Variants in KCND3 observed in about 807,000 individuals in gnomAD.
KCND3 encodes the protein potassium voltage-gated channel subfamily D member 3, also known as A-type voltage-gated potassium channel KCND3.
KCND3 carries 9 observed loss-of-function variants against 51.1 expected under a neutral mutation model. That is an observed-to-expected ratio of 0.18 (90% CI 0.11 to 0.31). The LOEUF is 0.31. Among genes scored for constraint, KCND3 ranks in the 10% least tolerant of loss-of-function variants. The pLI, the probability that KCND3 is intolerant of heterozygous loss-of-function variation, is 1.00. For synonymous variants in KCND3, 349 were observed against 368.0 expected, an observed-to-expected ratio of 0.95 and a Z score of 0.59; for missense variants, 526 against 903.8, an observed-to-expected ratio of 0.58 and a Z score of 5.36.
chr1:111,791,632 C>T (rs190207722), intron 2 of KCND3, among the ~76,000 whole-genome samples: 16 of 152,254 alleles, frequency 1.1e-4, no homozygotes, highest in Admixed American at 2.0e-4. Context: ...CCTGTGGTAG[C>T]GATGGTGATG....
At chr1:111,806,327 C>T (rs1665571501) in intron 2 of KCND3, among the ~76,000 whole-genome samples, 1 of 152,210 alleles carries the variant, frequency 6.6e-6, no homozygotes, top group African/African-American at 2.4e-5. Flanking sequence ...GCCCTCACGG[C>T]CCGGCCCTCC....
intron 2 of KCND3, among the ~76,000 whole-genome samples, chr1:111,872,721 G>A (rs1234409843): frequency 6.6e-6 from 1 of 152,204 alleles, no homozygotes; most frequent in Non-Finnish European, 1.5e-5. Context: ...AGAGGTTGGA[G>A]CCGGGATTCC....
At chr1:111,792,604 G>A (rs1477279315) in intron 2 of KCND3, among the ~76,000 whole-genome samples, 4 of 152,138 alleles carry the variant, frequency 2.6e-5, no homozygotes, top group African/African-American at 9.7e-5. Flanking sequence ...GCAAATCCTG[G>A]CTCTGCCACT....
intron 2 of KCND3, among the ~76,000 whole-genome samples, chr1:111,902,359 CA>C (rs1327698517): frequency 6.6e-6 from 1 of 152,184 alleles, no homozygotes; most frequent in Non-Finnish European, 1.5e-5. Context: ...GAGCAACAGA[CA>C]GCAATTTGGT....
At position 111,851,748 on chromosome 1, in the gene KCND3, G is replaced by A. The variant is rs144994097; in HGVS notation, c.1107-64642C>T. On this transcript the variant is annotated intron_variant, in intron 2 of 7. Coordinates refer to ENST00000302127, the MANE Select transcript of KCND3 (RefSeq NM_001378969.1). ...CCTAGCAGGGAATCTGGCACAATGC[G>A]AACACTCAGTGCCTGTGTGTGGGGT... 4.0e-3 allele frequency among the ~76,000 whole-genome samples: 616 copies of A among 152,324 alleles called. 7 individuals are homozygous for A. The highest frequency in any genetic ancestry group is 0.014 in the African/African-American group (575 of 41,574).
chr1:111,907,266 T>C (rs1404413243), intron 2 of KCND3, among the ~76,000 whole-genome samples: 2 of 152,250 alleles, frequency 1.3e-5, no homozygotes, highest in Non-Finnish European at 2.9e-5. Flanking sequence ...TCTTTATGTG[T>C]GTACAAAATA....
At chr1:111,899,107 G>A (rs12405863) in intron 2 of KCND3, among the ~76,000 whole-genome samples, 22,370 of 152,098 alleles carry the variant, frequency 0.15, 1,944 homozygotes, top group South Asian at 0.27. Flanking sequence ...GCTTCTTGCT[G>A]AAGATCTGCT....
chr1:111,800,181 A>T (rs1284390286), intron 2 of KCND3, among the ~76,000 whole-genome samples: 2 of 133,624 alleles, frequency 1.5e-5, no homozygotes, highest in Non-Finnish European at 3.2e-5. Flanking sequence ...GAGACTTTTC[A>T]TTTTGTTCTG....
At chr1:111,930,856 C>G (rs1671935587) in intron 2 of KCND3, among the ~76,000 whole-genome samples, 1 of 152,180 alleles carries the variant, frequency 6.6e-6, no homozygotes, top group Non-Finnish European at 1.5e-5. Context: ...GGAAGGGAGG[C>G]CACTGGAGGG....
chr1:111,884,749 A>C (rs749035714), intron 2 of KCND3, among the ~76,000 whole-genome samples: 1 of 152,208 alleles, frequency 6.6e-6, no homozygotes, highest in Non-Finnish European at 1.5e-5. Context: ...TAACTGTTGA[A>C]AAGTGGTAGT....
At chr1:111,923,566 G>A (rs1671570312) in intron 2 of KCND3, among the ~76,000 whole-genome samples, 1 of 152,208 alleles carries the variant, frequency 6.6e-6, no homozygotes, top group Non-Finnish European at 1.5e-5. Context: ...CAGCTGGGCT[G>A]GTGAGAGGGA....
intron 2 of KCND3, among the ~76,000 whole-genome samples, chr1:111,912,468 T>C (rs767150919): frequency 6.6e-6 from 1 of 152,254 alleles, no homozygotes; most frequent in Non-Finnish European, 1.5e-5. Context: ...GGTTTATGTA[T>C]TTACCAGTTA....
At chr1:111,917,700 G>A (rs550603289) in intron 2 of KCND3, among the ~76,000 whole-genome samples, 47 of 152,266 alleles carry the variant, frequency 3.1e-4, no homozygotes, top group South Asian at 6.2e-4. Context: ...GAAGGGACAG[G>A]GCAGGTAGAA....
chr1:111,888,681 CAAAAAAAA>C (rs34732548), intron 2 of KCND3, among the ~76,000 whole-genome samples: 3 of 103,610 alleles, frequency 2.9e-5, no homozygotes, highest in Admixed American at 2.0e-4. Context: ...CACTCCATCT[CAAAAAAAA>C]AAAAAAAAAA....
At chr1:111,886,332 G>A (rs928507137) in intron 2 of KCND3, among the ~76,000 whole-genome samples, 2 of 152,200 alleles carry the variant, frequency 1.3e-5, no homozygotes, top group Non-Finnish European at 2.9e-5. Flanking sequence ...ATTTCTGTCT[G>A]CTATATTTTT....
chr1:111,944,772 T>G (rs1039203539), intron 2 of KCND3, among the ~76,000 whole-genome samples: 1 of 152,206 alleles, frequency 6.6e-6, no homozygotes, highest in Admixed American at 6.5e-5. Flanking sequence ...ATATATTCCC[T>G]GGGGGTGATT....
intron 2 of KCND3, among the ~76,000 whole-genome samples, chr1:111,954,717 T>C (rs1673237446): frequency 6.6e-6 from 1 of 152,232 alleles, no homozygotes; most frequent in South Asian, 2.1e-4. Flanking sequence ...TAACCTCCAA[T>C]GTCCATTGCA....
intron 1 of KCND3, among the ~76,000 whole-genome samples, chr1:111,984,699 C>T (rs763349831): frequency 6.6e-6 from 1 of 152,210 alleles, no homozygotes; most frequent in Non-Finnish European, 1.5e-5. Context: ...CATACTCCAG[C>T]CCAATGGCCC....
chr1:111,958,310 T>C (rs6664224), intron 2 of KCND3, among the ~76,000 whole-genome samples: 20,065 of 152,010 alleles, frequency 0.13, 1,564 homozygotes, highest in East Asian at 0.29. Context: ...CCAGAAAAGC[T>C]CCCCCAAACC....
Sources: allele counts gnomAD v4.1 joint callset (sites outside exome capture counted in the v4.1 genomes callset), GRCh38; gene constraint gnomAD v4.1.1; transcripts MANE v1.5; gene names NCBI Gene and HGNC (gene_info 2026-07-23, HGNC 2026-07-21).